RGS7: variants seen among roughly 807,000 people sequenced by gnomAD.
RGS7 encodes regulator of G protein signaling 7, also known as regulator of G-protein signaling 7.
In RGS7, 27 loss-of-function variants were observed where a neutral mutation model predicts 81.1. The ratio of observed to expected loss-of-function variants is 0.33; its 90% CI spans 0.25 to 0.46. The LOEUF is 0.46. RGS7 is among the 20% of genes least tolerant of loss of function. The pLI, the probability that RGS7 is intolerant of heterozygous loss-of-function variation, is 1.00. For synonymous variants in RGS7, 208 were observed against 207.7 expected (o/e 1.00, Z -0.01); for missense variants, 396 against 607.4 (o/e 0.65, Z 3.66).
intron 2 of RGS7, among the ~76,000 whole-genome samples, chr1:241,235,584 T>TCC (rs2075887653): frequency 1.3e-5 from 2 of 149,364 alleles, no homozygotes; most frequent in Non-Finnish European, 3.0e-5. Context: ...CTTTTCTTTC[T>TCC]CTTTCTTTCT....
At chr1:240,880,838 T>C (rs1438010809) in intron 6 of RGS7, among the ~76,000 whole-genome samples, 1 of 152,122 alleles carries the variant, frequency 6.6e-6, no homozygotes, top group Non-Finnish European at 1.5e-5. Flanking sequence ...TTCAAATGAG[T>C]AGTGTGTGGT....
At chr1:241,012,328 A>G (rs2058999522) in intron 3 of RGS7, among the ~76,000 whole-genome samples, 1 of 152,180 alleles carries the variant, frequency 6.6e-6, no homozygotes, top group Non-Finnish European at 1.5e-5. Context: ...TCCCTCATGC[A>G]AAGGCACGAG....
chr1:240,778,802 G>GACACAA (rs1683431548), intron 18 of RGS7, among the ~76,000 whole-genome samples: 1 of 152,168 alleles, frequency 6.6e-6, no homozygotes, highest in Non-Finnish European at 1.5e-5. Flanking sequence ...AAAGTGCTGG[G>GACACAA]ATTACAGGCA....
intron 4 of RGS7, among the ~76,000 whole-genome samples, chr1:240,940,149 G>A (rs1318094273): frequency 2.0e-5 from 3 of 152,156 alleles, no homozygotes; most frequent in Admixed American, 1.3e-4. Flanking sequence ...CTAGTTTTAT[G>A]CCCCCAATAT....
Position 241,355,721 on chromosome 1 carries a change from G to C in RGS7, c.56C>G (p.Pro19Arg). 1 of 1,614,068 alleles carries C rather than the reference G, an allele frequency of 6.2e-7. No homozygotes were observed. The highest frequency in any genetic ancestry group is 8.5e-7 in the Non-Finnish European group (1 of 1,179,994). The change falls in exon 2 of 19, where the codon CCC (proline) becomes CGC (arginine). Residue 19 changes from proline (P) to arginine (R), a missense_variant. Physicochemically the swap from Pro to Arg is moderately radical, Grantham distance 103. Transcript: ENST00000440928. ...TACCTTTCTGTACACCAGCATGTTGGGTGATTCATCGGCCACCCCGTTGCT... is the reference window on the plus strand; with the variant it reads ...TACCTTTCTGTACACCAGCATGTTGCGTGATTCATCGGCCACCCCGTTGCT... ...QTSNGVADES[P>R]NMLVYRKMED...
At chr1:241,207,715 T>C (rs1419004187) in intron 2 of RGS7, among the ~76,000 whole-genome samples, 3 of 152,178 alleles carry the variant, frequency 2.0e-5, no homozygotes, top group East Asian at 3.9e-4. Flanking sequence ...CATTTTGCAA[T>C]TTTTAAATAT....
At chr1:241,266,294 A>G (rs2077589811) in intron 2 of RGS7, among the ~76,000 whole-genome samples, 1 of 152,192 alleles carries the variant, frequency 6.6e-6, no homozygotes. Context: ...TTATTCACCT[A>G]TTTTTAAAAC....
rs139892479 is a variant in RGS7 at position 241,019,828 on chromosome 1, G to A, written c.176-36699C>T. Among the ~76,000 whole-genome samples, 690 of 152,306 alleles carry A rather than the reference G, an allele frequency of 4.5e-3. 2 individuals carry two copies. Among genetic ancestry groups the A allele is most frequent in the Middle Eastern group, 0.014 (4 of 294 alleles). On this transcript the variant is annotated intron_variant, in intron 3 of 18. Transcript: ENST00000440928. ...TGCCACAATAAACATGCATGTGCAT[G>A]TGTCTATAGTGTTGCTACAGATTTG...
chr1:241,065,857 T>G (rs772895760), intron 3 of RGS7, among the ~76,000 whole-genome samples: 3 of 152,184 alleles, frequency 2.0e-5, no homozygotes, highest in Non-Finnish European at 4.4e-5. Context: ...AAATGTTAAA[T>G]TAGGCTAATA....
chr1:240,871,747 C>A (rs1239084272), intron 6 of RGS7, among the ~76,000 whole-genome samples: 1 of 152,096 alleles, frequency 6.6e-6, no homozygotes, highest in Admixed American at 6.5e-5. Context: ...GAAATTGAAG[C>A]GTAAGTGAAA....
chr1:241,227,822 G>A (rs886458123), intron 2 of RGS7, among the ~76,000 whole-genome samples: 1 of 152,114 alleles, frequency 6.6e-6, no homozygotes, highest in African/African-American at 2.4e-5. Context: ...TTTGGCTGGG[G>A]ACTCCTTATC....
At chr1:241,052,756 G>A (rs544201781) in intron 3 of RGS7, among the ~76,000 whole-genome samples, 23 of 151,320 alleles carry the variant, frequency 1.5e-4, no homozygotes, top group African/African-American at 4.6e-4. Flanking sequence ...CAATTTTCTC[G>A]GAGGAAATGA....
intron 2 of RGS7, among the ~76,000 whole-genome samples, chr1:241,192,253 GT>G (rs1401441886): frequency 1.4e-3 from 1 of 718 alleles, no homozygotes; most frequent in African/African-American, 6.0e-3. Flanking sequence ...CTGTCTGCAC[GT>G]GTGTGTGTGT....
intron 2 of RGS7, among the ~76,000 whole-genome samples, chr1:241,303,598 C>A (rs1180429839): frequency 6.6e-6 from 1 of 152,072 alleles, no homozygotes; most frequent in Non-Finnish European, 1.5e-5. Context: ...TTTGGTAAAC[C>A]TTTTTTTCAG....
intron 2 of RGS7, among the ~76,000 whole-genome samples, chr1:241,206,527 T>C (rs1225154953): frequency 6.6e-6 from 1 of 152,170 alleles, no homozygotes; most frequent in African/African-American, 2.4e-5. Context: ...TTCATTCTTC[T>C]TTTAAAAGTT....
At chr1:241,217,911 C>T (rs1349745949) in intron 2 of RGS7, among the ~76,000 whole-genome samples, 1 of 152,204 alleles carries the variant, frequency 6.6e-6, no homozygotes, top group African/African-American at 2.4e-5. Flanking sequence ...AGTTCCAAAA[C>T]TCAAAGAAGC....
rs2103218858 is a variant in RGS7, at chr1:241,164,355, T to C, written c.79-65593A>G. 6.6e-6 allele frequency among the ~76,000 whole-genome samples: 1 copy of C among 152,150 alleles called. No homozygotes were observed. The highest frequency in any genetic ancestry group is 2.1e-4 in the South Asian group (1 of 4,812). On this transcript the variant is annotated intron_variant, in intron 2 of 18. Transcript: ENST00000440928. The surrounding 1 kb of genome is among the most constrained non-coding windows in gnomAD (Gnocchi z 4.1). ...GGTGGTCAACTTAACCTTCAGCCCC[T>C]TTCCCCTCCTTGGAAGTTGAGGGGT...
At chr1:241,352,846 T>A (rs1327362308) in intron 2 of RGS7, among the ~76,000 whole-genome samples, 1 of 152,230 alleles carries the variant, frequency 6.6e-6, no homozygotes, top group Non-Finnish European at 1.5e-5. Flanking sequence ...AATTTACACA[T>A]CCCAGCTTTT....
At chr1:241,198,606 GCTAA>G (rs1378037053) in intron 2 of RGS7, among the ~76,000 whole-genome samples, 1 of 150,440 alleles carries the variant, frequency 6.6e-6, no homozygotes, top group Non-Finnish European at 1.5e-5. Context: ...AAAAACACAA[GCTAA>G]CTAAACTGAC....
Sources: allele counts gnomAD v4.1 joint callset (sites outside exome capture counted in the v4.1 genomes callset), GRCh38; gene constraint gnomAD v4.1.1; non-coding constraint Gnocchi (gnomAD v3.1); transcripts MANE v1.5; gene names NCBI Gene and HGNC (gene_info 2026-07-23, HGNC 2026-07-21).